Variants in SMG6 observed in about 807,000 individuals in gnomAD.
SMG6 encodes telomerase-binding protein EST1A.
SMG6 carries 66 observed loss-of-function variants against 142.2 expected under a neutral mutation model. The observed-to-expected ratio is 0.46, with a 90% CI of 0.38 to 0.57. The LOEUF is 0.57. SMG6 is among the 20% of genes least tolerant of loss of function. SMG6 has a pLI of 0.00. For missense variants in SMG6, 1,793 were observed against 1,832.0 expected, an observed-to-expected ratio of 0.98 and a Z score of 0.39; for synonymous variants, 779 against 702.4, an observed-to-expected ratio of 1.11 and a Z score of -1.72.
Position 2,112,320 on chromosome 17 carries a change from T to C in SMG6, c.3358-26419A>G, listed in dbSNP as rs367795138. Among the ~76,000 whole-genome samples the C allele has an allele frequency of 4.0e-4, 61 of 151,042 alleles. 1 individual carries two copies. Among genetic ancestry groups the C allele is most frequent in the South Asian group, 2.7e-3 (13 of 4,780 alleles). On this transcript the variant is annotated intron_variant, in intron 13 of 18. Coordinates refer to ENST00000263073, the MANE Select transcript of SMG6 (RefSeq NM_017575.5). ...GAGATCGAGACCATCATGGCTAACA[T>C]GGTGAAACCCCGTCTCTACTAAAAA... is the stretch of plus-strand genomic sequence containing the variant.
intron 8 of SMG6, among the ~76,000 whole-genome samples, chr17:2,258,030 A>ATAC (rs1160775733): frequency 9.0e-6 from 1 of 110,896 alleles, no homozygotes; most frequent in Admixed American, 1.1e-4. Flanking sequence ...AAAAAAAAAA[A>ATAC]AAAAATATAC....
At position 2,061,467 on chromosome 17, in the gene SMG6, G is replaced by GA. The variant is rs773744379; in HGVS notation, c.*24_*25insT. On this transcript the variant is annotated 3_prime_UTR_variant, in exon 19 of 19. Transcript: ENST00000263073. ...GTGGCCTTTCAGGAACGGTTCCACGGGGGGGGGGCCCCAGTGTGGCTCCCT... is the reference window on the plus strand; with the variant it reads ...GTGGCCTTTCAGGAACGGTTCCACGGAGGGGGGGGCCCCAGTGTGGCTCCCT... 6.3e-5 allele frequency: 98 copies of GA among 1,559,668 alleles called. No individual in the cohort carries two copies. In the Middle Eastern group the frequency reaches 1.7e-3, roughly 27 times the overall value.
intron 13 of SMG6, among the ~76,000 whole-genome samples, chr17:2,132,585 T>C (rs964355617): frequency 6.6e-6 from 1 of 152,180 alleles, no homozygotes; most frequent in South Asian, 2.1e-4. Flanking sequence ...TAACAAGATA[T>C]AGAAACTTTG....
At chr17:2,188,651 A>G in intron 10 of SMG6, 136 bp from the exon 11 acceptor site, 1 of 693,380 alleles carries the variant, frequency 1.4e-6, no homozygotes, top group East Asian at 2.7e-5. Flanking sequence ...TCATAAGGCC[A>G]AGTAGAAAAT....
intron 9 of SMG6, among the ~76,000 whole-genome samples, chr17:2,239,599 A>T (rs1318471192): frequency 6.6e-6 from 1 of 152,230 alleles, no homozygotes; most frequent in African/African-American, 2.4e-5. Context: ...TAGGAAAAAA[A>T]TTGAAAAAAT....
At chr17:2,235,404 A>G (rs780901369) in intron 10 of SMG6, among the ~76,000 whole-genome samples, 43 of 152,314 alleles carry the variant, frequency 2.8e-4, no homozygotes, top group Non-Finnish European at 4.9e-4. Flanking sequence ...ATTTCAAGGC[A>G]AAGTGTGGCA....
Position 2,162,517 on chromosome 17 carries a change from G to GAAAAA in SMG6, c.3357+10136_3357+10140dup, listed in dbSNP as rs56092903. 1.3e-4 allele frequency among the ~76,000 whole-genome samples: 8 copies of GAAAAA among 60,644 alleles called. 1 individual carries two copies. Among genetic ancestry groups the GAAAAA allele is most frequent in the African/African-American group, 4.8e-4 (8 of 16,630 alleles). 39.8% of individuals were successfully genotyped at this position (60,644 alleles called of 152,430 possible). On this transcript the variant is annotated intron_variant, in intron 13 of 18. Transcript: ENST00000263073. ...CGACAGAGTGAGACTCCCCATCTCAGAAAAAAAAAAAAAAAAAAAAAAAAA... is the reference window on the plus strand; with the variant it reads ...CGACAGAGTGAGACTCCCCATCTCAGAAAAAAAAAAAAAAAAAAAAAAAAAAAAAA...
chr17:2,270,928 A>G (rs533062602), intron 8 of SMG6, among the ~76,000 whole-genome samples: 2 of 152,298 alleles, frequency 1.3e-5, no homozygotes, highest in South Asian at 4.1e-4. Flanking sequence ...TGCTCTATTC[A>G]TGTGGCTTGA....
chr17:2,080,896 A>C (rs982363161), intron 15 of SMG6, among the ~76,000 whole-genome samples: 1 of 152,080 alleles, frequency 6.6e-6, no homozygotes, highest in African/African-American at 2.4e-5. Context: ...CAGCCTCCCA[A>C]AGTGCTGGGA....
chr17:2,281,400 A>G (rs1431026160), intron 8 of SMG6, among the ~76,000 whole-genome samples: 3 of 152,250 alleles, frequency 2.0e-5, no homozygotes, highest in African/African-American at 7.2e-5. Context: ...AAGTGCTGGG[A>G]TTACAGATGG....
At chr17:2,237,619 G>A in intron 9 of SMG6, 1 of 941,174 alleles carries the variant, frequency 1.1e-6, no homozygotes, top group Non-Finnish European at 1.3e-6. Flanking sequence ...CTGGCCAAGT[G>A]CCACTCCCAA....
At chr17:2,290,123 A>G (rs970440215) in intron 6 of SMG6, among the ~76,000 whole-genome samples, 17 of 152,230 alleles carry the variant, frequency 1.1e-4, no homozygotes, top group Admixed American at 3.9e-4. Flanking sequence ...ATACCAACAA[A>G]GTGATTCTAA....
chr17:2,126,970 G>A (rs2069910290), intron 13 of SMG6, among the ~76,000 whole-genome samples: 2 of 151,752 alleles, frequency 1.3e-5, no homozygotes, highest in South Asian at 4.2e-4. Context: ...ATATACGCGT[G>A]AACACACGCG....
intron 10 of SMG6, among the ~76,000 whole-genome samples, chr17:2,198,325 G>C (rs531857383): frequency 6.6e-6 from 1 of 152,182 alleles, no homozygotes; most frequent in Non-Finnish European, 1.5e-5. Context: ...GGTTGCCAGG[G>C]GTTAGGATTG....
intron 15 of SMG6, among the ~76,000 whole-genome samples, chr17:2,079,636 T>C (rs1597350795): frequency 6.8e-6 from 1 of 148,056 alleles, no homozygotes; most frequent in Non-Finnish European, 1.5e-5. Context: ...AAAAGAAGCA[T>C]GAGGATAAAG....
chr17:2,289,017 C>T (rs2074971687), intron 6 of SMG6, among the ~76,000 whole-genome samples: 1 of 145,106 alleles, frequency 6.9e-6, no homozygotes, highest in Non-Finnish European at 1.5e-5. Flanking sequence ...AGGTGGAGCT[C>T]GCAGTGAGCC....
rs760185919 is a variant in SMG6 at position 2,297,232 on chromosome 17, AG to A, written c.2151+10del. The A allele has an allele frequency of 1.2e-5, 19 of 1,568,786 alleles. No homozygotes were observed. Among genetic ancestry groups the A allele is most frequent in the Non-Finnish European group, 1.6e-5 (19 of 1,154,012 alleles). On this transcript the variant is annotated intron_variant, in intron 4 of 18. Coordinates refer to ENST00000263073, the MANE Select transcript of SMG6 (RefSeq NM_017575.5). Reference sequence around the variant, plus strand: ...AATGAAAATTTAAGATACATAAAGAAGGTAGCTTACTGTCTTGCGTAATGGC... The same window carrying A: ...AATGAAAATTTAAGATACATAAAGAAGTAGCTTACTGTCTTGCGTAATGGC...
chr17:2,083,285 T>C (rs2068473337), intron 14 of SMG6, among the ~76,000 whole-genome samples: 1 of 152,184 alleles, frequency 6.6e-6, no homozygotes, highest in Non-Finnish European at 1.5e-5. Flanking sequence ...ATCTCTTGAC[T>C]GAAAGGGATT....
At chr17:2,184,087 T>C (rs1164928175) in intron 12 of SMG6, among the ~76,000 whole-genome samples, 2 of 152,194 alleles carry the variant, frequency 1.3e-5, no homozygotes, top group Non-Finnish European at 1.5e-5. Flanking sequence ...ACTGGTCTGA[T>C]GTGGTGGCTC....
Sources: allele counts gnomAD v4.1 joint callset (sites outside exome capture counted in the v4.1 genomes callset), GRCh38; gene constraint gnomAD v4.1.1; transcripts MANE v1.5; gene names NCBI Gene and HGNC (gene_info 2026-07-23, HGNC 2026-07-21).